ZNF385B: variants seen among roughly 807,000 people sequenced by gnomAD.
ZNF385B encodes zinc finger protein 385B, also known as zinc finger protein 533.
ZNF385B carries 23 observed loss-of-function variants against 39.2 expected under a neutral mutation model. That is an observed-to-expected ratio of 0.59 (90% confidence interval 0.42 to 0.83). The LOEUF is 0.83. ZNF385B is among the 40% of genes least tolerant of loss of function. ZNF385B has a pLI of 0.00. For synonymous variants in ZNF385B, 205 were observed against 222.6 expected (o/e 0.92, Z 0.70); for missense variants, 552 against 598.9 (o/e 0.92, Z 0.82).
intron 1 of ZNF385B, among the ~76,000 whole-genome samples, chr2:179,809,506 CA>C (rs34138813): frequency 6.6e-6 from 1 of 152,054 alleles, no homozygotes; most frequent in East Asian, 1.9e-4. Flanking sequence ...CAAGAACAAT[CA>C]AAATACAAGT....
intron 1 of ZNF385B, among the ~76,000 whole-genome samples, chr2:179,801,104 G>C (rs1455309465): frequency 6.6e-6 from 1 of 151,910 alleles, no homozygotes; most frequent in Non-Finnish European, 1.5e-5. Flanking sequence ...TCTATTTCTT[G>C]CTAGGTGCTT....
intron 3 of ZNF385B, among the ~76,000 whole-genome samples, chr2:179,754,958 T>C (rs1702917976): frequency 1.3e-5 from 2 of 152,220 alleles, no homozygotes; most frequent in South Asian, 2.1e-4. Context: ...CTTACTTATT[T>C]CTTGCCTTCT....
At chr2:179,671,387 A>G (rs896752470) in intron 3 of ZNF385B, among the ~76,000 whole-genome samples, 3 of 152,248 alleles carry the variant, frequency 2.0e-5, no homozygotes, top group African/African-American at 7.2e-5. Context: ...AAATGGAATT[A>G]TTAATAAAAG....
chr2:179,502,524 C>T (rs1346470532), intron 5 of ZNF385B, among the ~76,000 whole-genome samples: 1 of 152,134 alleles, frequency 6.6e-6, no homozygotes, highest in African/African-American at 2.4e-5. Flanking sequence ...AACACTTCCC[C>T]TTTCTCTTTC....
At chr2:179,451,136 A>C (rs1057467661) in intron 6 of ZNF385B, among the ~76,000 whole-genome samples, 1 of 150,586 alleles carries the variant, frequency 6.6e-6, no homozygotes, top group Non-Finnish European at 1.5e-5. Flanking sequence ...GCATTAGGAG[A>C]TATACCTAAT....
intron 6 of ZNF385B, chr2:179,481,188 CT>C (rs2053949252): frequency 6.6e-6 from 1 of 152,094 alleles, no homozygotes; most frequent in Non-Finnish European, 1.5e-5. Context: ...TAGAAAGTGT[CT>C]TTGTTTTACT....
At chr2:179,721,767 A>G (rs1700712689) in intron 3 of ZNF385B, among the ~76,000 whole-genome samples, 1 of 152,120 alleles carries the variant, frequency 6.6e-6, no homozygotes, top group Non-Finnish European at 1.5e-5. Context: ...TATTGATGAA[A>G]CTTGAAAGTA....
chr2:179,856,718 A>G (rs1684635576), intron 1 of ZNF385B, among the ~76,000 whole-genome samples: 1 of 152,150 alleles, frequency 6.6e-6, no homozygotes, highest in Non-Finnish European at 1.5e-5. Flanking sequence ...AGGAATATTT[A>G]ACAAAGCAAC....
At chr2:179,578,985 T>C (rs1381724383) in intron 3 of ZNF385B, among the ~76,000 whole-genome samples, 1 of 152,088 alleles carries the variant, frequency 6.6e-6, no homozygotes, top group Non-Finnish European at 1.5e-5. Flanking sequence ...GAATCAGGAA[T>C]GATGTGCAAA....
chr2:179,664,136 T>A (rs1694857928), intron 3 of ZNF385B, among the ~76,000 whole-genome samples: 1 of 151,936 alleles, frequency 6.6e-6, no homozygotes, highest in Non-Finnish European at 1.5e-5. Flanking sequence ...GGGGATTTTT[T>A]TTTCTTTTAT....
chr2:179,501,222 G>A (rs1249314761), intron 5 of ZNF385B, among the ~76,000 whole-genome samples: 1 of 152,162 alleles, frequency 6.6e-6, no homozygotes, highest in East Asian at 1.9e-4. Flanking sequence ...ACATGATCCA[G>A]CAATCCCATT....
At chr2:179,488,593 A>C (rs2054869030) in intron 5 of ZNF385B, among the ~76,000 whole-genome samples, 1 of 152,210 alleles carries the variant, frequency 6.6e-6, no homozygotes, top group Non-Finnish European at 1.5e-5. Context: ...TGGAGAAAGT[A>C]CTTACCTATA....
At chr2:179,777,769 G>GTTTTT (rs71029831) in intron 1 of ZNF385B, among the ~76,000 whole-genome samples, 7 of 143,712 alleles carry the variant, frequency 4.9e-5, no homozygotes, top group Non-Finnish European at 4.5e-5. Flanking sequence ...ATATCAAGAG[G>GTTTTT]TTTTTTTTTT....
chr2:179,786,619 A>G (rs1705019879), intron 1 of ZNF385B, among the ~76,000 whole-genome samples: 1 of 151,990 alleles, frequency 6.6e-6, no homozygotes, highest in Non-Finnish European at 1.5e-5. Context: ...TTCAGATGTA[A>G]GAGGCTTAGG....
chr2:179,676,262 G>C (rs1696777850), intron 3 of ZNF385B, among the ~76,000 whole-genome samples: 1 of 151,882 alleles, frequency 6.6e-6, no homozygotes, highest in African/African-American at 2.4e-5. Context: ...CTAATTTTTT[G>C]TATTTTTAGT....
intron 3 of ZNF385B, among the ~76,000 whole-genome samples, chr2:179,755,969 G>C (rs909321413): frequency 3.9e-5 from 6 of 152,146 alleles, no homozygotes; most frequent in Non-Finnish European, 5.9e-5. Flanking sequence ...ATTTGATCCT[G>C]TCATTATGAT....
intron 3 of ZNF385B, among the ~76,000 whole-genome samples, chr2:179,590,605 T>C (rs879557192): frequency 6.6e-6 from 1 of 152,220 alleles, no homozygotes; most frequent in Non-Finnish European, 1.5e-5. Context: ...ACCTGACTGA[T>C]ATGGTTTGGC....
chr2:179,782,589 T>C (rs1704737239), intron 1 of ZNF385B, among the ~76,000 whole-genome samples: 1 of 152,168 alleles, frequency 6.6e-6, no homozygotes, highest in Non-Finnish European at 1.5e-5. Flanking sequence ...AACTCCATAG[T>C]CTCAGCCAAA....
At chr2:179,666,645 T>C (rs539266445) in intron 3 of ZNF385B, among the ~76,000 whole-genome samples, 14 of 145,706 alleles carry the variant, frequency 9.6e-5, no homozygotes, top group African/African-American at 2.8e-4. Context: ...GAAAATCATC[T>C]TTTTTTTTTG....
Sources: allele counts gnomAD v4.1 joint callset (sites outside exome capture counted in the v4.1 genomes callset), GRCh38; gene constraint gnomAD v4.1.1; transcripts MANE v1.5; gene names NCBI Gene and HGNC (gene_info 2026-07-23, HGNC 2026-07-21).